Variants in IL1RAPL2 observed in about 807,000 individuals in gnomAD.
IL1RAPL2 encodes the protein X-linked interleukin-1 receptor accessory protein-like 2.
A neutral mutation model predicts 44.1 loss-of-function variants in IL1RAPL2; 3 were observed. The observed-to-expected ratio is 0.07, with a 90% CI of 0.03 to 0.18. IL1RAPL2 has a LOEUF of 0.18. IL1RAPL2 is among the 10% of genes least tolerant of loss of function. The pLI, the probability that IL1RAPL2 is intolerant of heterozygous loss-of-function variation, is 1.00. For missense variants in IL1RAPL2, 391 were observed against 496.4 expected, an observed-to-expected ratio of 0.79 and a Z score of 2.02; for synonymous variants, 181 against 178.8, an observed-to-expected ratio of 1.01 and a Z score of -0.10.
chrX:104,710,105 G>A (rs1931432003), intron 2 of IL1RAPL2, among the ~76,000 whole-genome samples: 1 of 111,230 alleles, frequency 9.0e-6, no homozygotes, highest in African/African-American at 3.3e-5. Context: ...ACAGAGAATT[G>A]CCATATGACC....
At chrX:104,947,449 T>C (rs1925414320) in intron 2 of IL1RAPL2, among the ~76,000 whole-genome samples, 1 of 100,977 alleles carries the variant, frequency 9.9e-6, no homozygotes, top group Non-Finnish European at 2.0e-5. Context: ...TTTTGGCTTT[T>C]GTTGCCATTG....
At chrX:104,986,710 G>GCC (rs970188595) in intron 2 of IL1RAPL2, among the ~76,000 whole-genome samples, 54 of 112,196 alleles carry the variant, frequency 4.8e-4, no homozygotes, top group African/African-American at 1.6e-3. Flanking sequence ...ATGCCCATGA[G>GCC]GCATTTAGAT....
intron 2 of IL1RAPL2, among the ~76,000 whole-genome samples, chrX:105,046,840 G>A (rs1385048431): frequency 4.1e-5 from 2 of 49,268 alleles, no homozygotes; most frequent in African/African-American, 1.1e-4. Flanking sequence ...TTTTTTTGGG[G>A]GGGTGCTAGA....
At chrX:104,699,005 C>T (rs1931227221) in intron 2 of IL1RAPL2, among the ~76,000 whole-genome samples, 1 of 111,276 alleles carries the variant, frequency 9.0e-6, no homozygotes. Flanking sequence ...TCTCTTCTCT[C>T]TCTCATTACA....
intron 2 of IL1RAPL2, among the ~76,000 whole-genome samples, chrX:105,111,323 A>C (rs922226187): frequency 8.9e-6 from 1 of 111,938 alleles, no homozygotes; most frequent in African/African-American, 3.3e-5. Context: ...ACCTCTTTAA[A>C]GTAAAATTGT....
intron 2 of IL1RAPL2, among the ~76,000 whole-genome samples, chrX:105,130,471 T>A (rs1025357968): frequency 3.5e-4 from 39 of 111,332 alleles, no homozygotes; most frequent in African/African-American, 1.2e-3. Flanking sequence ...CTGCTGATGC[T>A]GAATCAATAG....
At chrX:104,877,893 T>C (rs1205446247) in intron 2 of IL1RAPL2, among the ~76,000 whole-genome samples, 1 of 111,707 alleles carries the variant, frequency 9.0e-6, no homozygotes, top group Non-Finnish European at 1.9e-5. Flanking sequence ...AAAACTGAAG[T>C]AAGGCTTCAA....
chrX:104,660,038 C>T (rs904299253), intron 2 of IL1RAPL2, among the ~76,000 whole-genome samples: 1 of 111,705 alleles, frequency 9.0e-6, no homozygotes, highest in Non-Finnish European at 1.9e-5. Flanking sequence ...AATAGAGTAA[C>T]ACTGCTGAAG....
At chrX:105,704,455 G>T (rs1423777506) in intron 6 of IL1RAPL2, among the ~76,000 whole-genome samples, 1 of 111,135 alleles carries the variant, frequency 9.0e-6, no homozygotes, top group Non-Finnish European at 1.9e-5. Flanking sequence ...AAAATGGTTG[G>T]CATCAAGCAA....
intron 5 of IL1RAPL2, among the ~76,000 whole-genome samples, chrX:105,403,778 T>C (rs1216342670): frequency 9.0e-6 from 1 of 111,450 alleles, no homozygotes; most frequent in Non-Finnish European, 1.9e-5. Flanking sequence ...TCTCAGCCTG[T>C]GAAATTTGAG....
intron 6 of IL1RAPL2, among the ~76,000 whole-genome samples, chrX:105,599,788 C>T (rs916572918): frequency 3.6e-5 from 4 of 110,637 alleles, no homozygotes; most frequent in Admixed American, 1.9e-4. Flanking sequence ...GTAACTTTGG[C>T]GTAGTCCTTG....
At chrX:105,205,838 A>G (rs2033759164) in intron 3 of IL1RAPL2, among the ~76,000 whole-genome samples, 1 of 109,815 alleles carries the variant, frequency 9.1e-6, no homozygotes, top group Non-Finnish European at 1.9e-5. Context: ...CCATTTAAAA[A>G]ATGATTACTT....
intron 2 of IL1RAPL2, among the ~76,000 whole-genome samples, chrX:104,756,111 C>G (rs1932335637): frequency 9.0e-6 from 1 of 110,857 alleles, no homozygotes; most frequent in Non-Finnish European, 1.9e-5. Context: ...TAATATAGCA[C>G]TCTTCCCTAA....
At chrX:105,632,745 T>TAA (rs1212437829) in intron 6 of IL1RAPL2, among the ~76,000 whole-genome samples, 1 of 111,701 alleles carries the variant, frequency 9.0e-6, no homozygotes, top group Non-Finnish European at 1.9e-5. Flanking sequence ...CCATATAATC[T>TAA]AACTTGTGTA....
chrX:105,263,556 A>T (rs1188649889), intron 4 of IL1RAPL2, among the ~76,000 whole-genome samples: 1 of 111,782 alleles, frequency 8.9e-6, no homozygotes, highest in Admixed American at 9.5e-5. Flanking sequence ...TCCAAGATCC[A>T]AATGTAGCTG....
intron 5 of IL1RAPL2, among the ~76,000 whole-genome samples, chrX:105,368,748 T>C (rs1047017701): frequency 1.8e-5 from 2 of 111,672 alleles, no homozygotes; most frequent in Non-Finnish European, 3.8e-5. Context: ...TTGGGAAGTT[T>C]TCTGCCATGA....
intron 2 of IL1RAPL2, among the ~76,000 whole-genome samples, chrX:104,772,117 A>G (rs756739705): frequency 9.0e-6 from 1 of 111,225 alleles, no homozygotes; most frequent in East Asian, 2.8e-4. Flanking sequence ...TACAGTTTCA[A>G]GTTTCATTTT....
chrX:105,419,686 A>G (rs1477867886), intron 5 of IL1RAPL2, among the ~76,000 whole-genome samples: 2 of 112,209 alleles, frequency 1.8e-5, no homozygotes, highest in East Asian at 5.6e-4. Context: ...CAACAATTAT[A>G]TATATTCTTT....
chrX:104,692,180 T>G (rs2147546585), intron 2 of IL1RAPL2, among the ~76,000 whole-genome samples: 1 of 111,165 alleles, frequency 9.0e-6, no homozygotes, highest in African/African-American at 3.3e-5. Flanking sequence ...GTTTATTCAC[T>G]AATCCATTCA....
Sources: allele counts gnomAD v4.1 joint callset (sites outside exome capture counted in the v4.1 genomes callset), GRCh38; gene constraint gnomAD v4.1.1; transcripts MANE v1.5; gene names NCBI Gene and HGNC (gene_info 2026-07-23, HGNC 2026-07-21).